The following DLG2 variants were observed in gnomAD, a reference collection of about 807,000 sequenced individuals.
DLG2 encodes the protein discs large MAGUK scaffold protein 2.
Under a neutral mutation model 132.5 loss-of-function variants are expected in DLG2, and 45 were observed. That is an observed-to-expected ratio of 0.34 (90% CI 0.27 to 0.44). DLG2 has a LOEUF of 0.44. DLG2 is among the 20% of genes least tolerant of loss of function. DLG2 has a pLI of 1.00. For missense variants in DLG2, 1,045 were observed against 1,196.9 expected (o/e 0.87, Z 1.87); for synonymous variants, 424 against 419.6 (o/e 1.01, Z -0.13).
chr11:83,651,182 A>C (rs1465225524), intron 18 of DLG2, among the ~76,000 whole-genome samples: 1 of 152,194 alleles, frequency 6.6e-6, no homozygotes, highest in Non-Finnish European at 1.5e-5. Context: ...CATAATAGGT[A>C]CTCAATAAAT....
intron 17 of DLG2, among the ~76,000 whole-genome samples, chr11:83,827,155 C>G (rs147833269): frequency 6.6e-6 from 1 of 152,064 alleles, no homozygotes; most frequent in Non-Finnish European, 1.5e-5. Context: ...AGGACCACTT[C>G]AGGAAATCGA....
chr11:83,496,693 G>T (rs1287298917), intron 21 of DLG2, among the ~76,000 whole-genome samples: 1 of 152,146 alleles, frequency 6.6e-6, no homozygotes, highest in Non-Finnish European at 1.5e-5. Flanking sequence ...AAAGAATACA[G>T]ATAGATAATT....
chr11:85,061,657 C>A (rs1394644633), intron 6 of DLG2, among the ~76,000 whole-genome samples: 2 of 151,830 alleles, frequency 1.3e-5, no homozygotes, highest in Non-Finnish European at 2.9e-5. Context: ...TTAAACTTCT[C>A]TAAAATGAAC....
intron 7 of DLG2, among the ~76,000 whole-genome samples, chr11:84,459,187 ATTTC>A (rs1326264890): frequency 1.5e-4 from 23 of 150,538 alleles, no homozygotes; most frequent in Admixed American, 1.0e-3. Flanking sequence ...TTTGATTCGC[ATTTC>A]TTCCTTCATC....
intron 3 of DLG2, among the ~76,000 whole-genome samples, chr11:85,524,565 T>C (rs1391658420): frequency 1.3e-5 from 2 of 152,162 alleles, no homozygotes; most frequent in Non-Finnish European, 2.9e-5. Context: ...TGATCCCAGC[T>C]CACAGCAGCC....
chr11:83,763,095 C>T (rs1263461636), intron 18 of DLG2, among the ~76,000 whole-genome samples: 2 of 152,192 alleles, frequency 1.3e-5, no homozygotes, highest in Non-Finnish European at 2.9e-5. Context: ...TAGCTTGGGA[C>T]ATCAGTTCTC....
In DLG2 at chr11:83,507,388, GAACA is replaced by G. The variant is rs2094758819; in HGVS notation, c.2194-23164_2194-23161del. ...TGTATTAGGGTTCTCTAGAGGGACA[GAACA>G]AATAGGATATATATATATATACACA... is the stretch of plus-strand genomic sequence containing the variant. On this transcript the variant is annotated intron_variant, in intron 21 of 27. Coordinates refer to ENST00000376104, the MANE Select transcript of DLG2 (RefSeq NM_001142699.3). Among the ~76,000 whole-genome samples the G allele has an allele frequency of 3.0e-5, 4 of 135,068 alleles. No individual in the cohort carries two copies. The South Asian group carries it at 6.9e-4, about 23-fold the overall frequency. 88.6% of individuals were successfully genotyped at this position (135,068 alleles called of 152,430 possible).
intron 19 of DLG2, among the ~76,000 whole-genome samples, chr11:83,615,235 G>C (rs1051084663): frequency 1.3e-5 from 2 of 152,198 alleles, no homozygotes; most frequent in African/African-American, 4.8e-5. Context: ...GTGGAATTGG[G>C]AGAAGGGAAG....
intron 3 of DLG2, among the ~76,000 whole-genome samples, chr11:85,572,166 T>C (rs1033598708): frequency 1.3e-4 from 20 of 152,318 alleles, no homozygotes; most frequent in Non-Finnish European, 2.8e-4. Context: ...TTTGCTTTTA[T>C]GGAGGGGTGA....
In DLG2 at chr11:84,551,600, G is replaced by A. The variant is rs2099402003; in HGVS notation, c.358-16869C>T. On this transcript the variant is annotated intron_variant, in intron 6 of 27. Coordinates refer to ENST00000376104, the MANE Select transcript of DLG2 (RefSeq NM_001142699.3). ...TCATTTAACAGATGAGAAAATACAG[G>A]GAGAAAGAAATTAAATAAGTAACTT... 2.6e-5 allele frequency among the ~76,000 whole-genome samples: 4 copies of A among 152,082 alleles called. No individual in the cohort carries two copies. The South Asian group carries it at 8.3e-4, about 32-fold the overall frequency.
At chr11:84,283,868 T>C (rs898953990) in intron 7 of DLG2, among the ~76,000 whole-genome samples, 1 of 152,136 alleles carries the variant, frequency 6.6e-6, no homozygotes, top group Non-Finnish European at 1.5e-5. Context: ...ATTTCAAAAA[T>C]ATATGTTAGT....
At chr11:83,745,991 G>C (rs1281708493) in intron 18 of DLG2, among the ~76,000 whole-genome samples, 1 of 152,102 alleles carries the variant, frequency 6.6e-6, no homozygotes, top group Non-Finnish European at 1.5e-5. Context: ...TCACCATCAC[G>C]TTCATCAGAG....
In DLG2 at chr11:84,667,204, G is replaced by A. The variant is rs184509619; in HGVS notation, c.358-132473C>T. On this transcript the variant is annotated intron_variant, in intron 6 of 27. Transcript: ENST00000376104. ...TCTAAATTCTAACACCATTCGCACC[G>A]GGCAGGTAAGTAAGCAACTTAATAG... Among the ~76,000 whole-genome samples, 247 of 152,126 alleles carry A rather than the reference G, an allele frequency of 1.6e-3. 1 individual carries two copies. Among genetic ancestry groups the A allele is most frequent in the Non-Finnish European group, 3.1e-3 (212 of 67,996 alleles).
rs373524366 is a variant in DLG2, at chr11:83,940,037, T to A, written c.1341-9554A>T. ...TTCATGCAGCTGTTTCCATTTAGTC[T>A]TCTGTGCCTGTTACTGTAAACAGGT... On this transcript the variant is annotated intron_variant, in intron 14 of 27. Coordinates refer to ENST00000376104, the MANE Select transcript of DLG2 (RefSeq NM_001142699.3). 8.3e-4 allele frequency among the ~76,000 whole-genome samples: 126 copies of A among 152,074 alleles called. 2 individuals carry two copies. In the South Asian group the frequency reaches 0.025, roughly 30 times the overall value.
At chr11:84,365,401 C>CT (rs1323557239) in intron 7 of DLG2, among the ~76,000 whole-genome samples, 57 of 150,790 alleles carry the variant, frequency 3.8e-4, no homozygotes, top group East Asian at 3.3e-3. Flanking sequence ...ATTCTTCTCT[C>CT]TTTTTTTTTA....
chr11:85,548,180 T>C (rs1222334815), intron 3 of DLG2, among the ~76,000 whole-genome samples: 1 of 152,224 alleles, frequency 6.6e-6, no homozygotes, highest in Non-Finnish European at 1.5e-5. Context: ...TGAGTGGATG[T>C]CCTTTTTGTT....
intron 6 of DLG2, among the ~76,000 whole-genome samples, chr11:84,902,800 C>G (rs2091049600): frequency 6.6e-6 from 1 of 152,130 alleles, no homozygotes; most frequent in African/African-American, 2.4e-5. Context: ...CTGAAATTCT[C>G]TAGGATAGCT....
rs532106443 is a variant in DLG2 at position 83,522,001 on chromosome 11, G to C, written c.2193+10707C>G. ...AAGAGCCTCTTCAAAAATTTTAAAGGAATACTTAATGCCCTCTGTTACTGG... is the reference window on the plus strand; with the variant it reads ...AAGAGCCTCTTCAAAAATTTTAAAGCAATACTTAATGCCCTCTGTTACTGG... On this transcript the variant is annotated intron_variant, in intron 21 of 27. Transcript: ENST00000376104. Among the ~76,000 whole-genome samples the C allele has an allele frequency of 2.6e-4, 39 of 152,242 alleles. No individual in the cohort carries two copies. The Middle Eastern group carries it at 0.01, about 40-fold the overall frequency.
At chr11:85,582,913 G>C (rs1461112056) in intron 3 of DLG2, among the ~76,000 whole-genome samples, 1 of 148,460 alleles carries the variant, frequency 6.7e-6, no homozygotes, top group South Asian at 2.1e-4. Context: ...AGGTACATTA[G>C]ATGATTCAAT....
Sources: gnomAD v4.1 joint callset for allele counts (sites outside exome capture counted in the v4.1 genomes callset) on GRCh38, gnomAD v4.1.1 for gene constraint, MANE v1.5 for transcripts, NCBI Gene and HGNC (gene_info 2026-07-23, HGNC 2026-07-21) for gene names.